Variants in NEK3 observed in about 807,000 individuals in gnomAD.
NEK3 encodes the protein NIMA related kinase 3, also known as serine/threonine-protein kinase Nek3.
Under a neutral mutation model 66.0 loss-of-function variants are expected in NEK3, and 54 were observed. The observed-to-expected ratio is 0.82, with a 90% CI of 0.66 to 1.03. The LOEUF (loss-of-function observed/expected upper bound fraction) is 1.03, where lower values mean the gene tolerates loss of function less well. Ranked by LOEUF, NEK3 falls within the 50% of genes least tolerant of loss-of-function variation. The probability of loss-of-function intolerance (pLI) is 0.00; values close to 1 mark genes in which losing one functional copy is unlikely to be tolerated. For synonymous variants in NEK3, 200 were observed against 206.2 expected, an observed-to-expected ratio of 0.97 and a Z score of 0.26; for missense variants, 593 against 603.0, an observed-to-expected ratio of 0.98 and a Z score of 0.17.
chr13:52,147,076 T>A (rs1956300864), intron 8 of NEK3, among the ~76,000 whole-genome samples: 8 of 152,244 alleles, frequency 5.3e-5, no homozygotes, highest in Admixed American at 4.6e-4. Flanking sequence ...TTCATATTTT[T>A]AAAAATATCT....
At chr13:52,142,576 G>A (rs1164212037) in intron 10 of NEK3, among the ~76,000 whole-genome samples, 3 of 152,230 alleles carry the variant, frequency 2.0e-5, no homozygotes, top group South Asian at 2.1e-4. Context: ...GCGCCCAGCC[G>A]CTATCTCTTA....
At chr13:52,152,977 T>A (rs1956360188) in intron 4 of NEK3, among the ~76,000 whole-genome samples, 1 of 152,186 alleles carries the variant, frequency 6.6e-6, no homozygotes, top group Admixed American at 6.5e-5. Context: ...ATAAAAGTAT[T>A]TCTTAAATGC....
chr13:52,145,018 G>C (rs890111960), intron 8 of NEK3, 127 bp from the exon 9 acceptor site: 1 of 659,658 alleles, frequency 1.5e-6, no homozygotes, highest in African/African-American at 1.8e-5. Context: ...CTTTCTAGAG[G>C]TGTCCTTAAG....
intron 8 of NEK3, among the ~76,000 whole-genome samples, chr13:52,147,843 A>C (rs903351354): frequency 6.6e-6 from 1 of 152,140 alleles, no homozygotes; most frequent in East Asian, 1.9e-4. Flanking sequence ...AATACAAAAA[A>C]AATTTAGCTG....
chr13:52,156,147 G>A lies in NEK3; in HGVS notation c.45C>T (p.Phe15=), dbSNP rs766319205. The change falls in exon 2 of 16, where the codon TTC becomes TTT. Residue 15 remains phenylalanine (F), a synonymous_variant. Coordinates refer to ENST00000610828, the MANE Select transcript of NEK3 (RefSeq NM_002498.3). The part of the protein sequence containing the change: ...MVLRMIGEGS[F]GRALLVQHES... ...CATGCTGAACCAAAAGAGCTCTGCC[G>A]AAGGAGCCCTCCCCAATCATTCTCA... 8.1e-6 allele frequency: 13 copies of A among 1,606,070 alleles called. No homozygotes were observed. The highest frequency in any genetic ancestry group is 5.3e-5 in the African/African-American group (4 of 74,790).
intron 11 of NEK3, among the ~76,000 whole-genome samples, chr13:52,138,863 T>G (rs577993473): frequency 6.6e-6 from 1 of 152,122 alleles, no homozygotes; most frequent in East Asian, 1.9e-4. Flanking sequence ...CCCAGGAGGT[T>G]GAGTCTGCAG....
intron 7 of NEK3, 65 bp from the exon 8 acceptor site, chr13:52,148,534 T>G: frequency 7.2e-7 from 1 of 1,397,692 alleles, no homozygotes; most frequent in Non-Finnish European, 1.0e-6. Context: ...AAAAAATAAT[T>G]TCTTACCTTT....
At chr13:52,142,901 G>A (rs1956263241) in intron 10 of NEK3, among the ~76,000 whole-genome samples, 1 of 152,190 alleles carries the variant, frequency 6.6e-6, no homozygotes, top group Non-Finnish European at 1.5e-5. Flanking sequence ...ATTCAGAGAT[G>A]ACAACTTCCA....
At chr13:52,159,633 G>C (rs940016053), upstream of NEK3, 1 of 152,430 alleles carries the variant, frequency 6.6e-6, no homozygotes, top group Non-Finnish European at 1.5e-5. Context: ...CGGGTTGCGG[G>C]TGAAGGAAGC....
chr13:52,154,365 G>C (rs769276736), intron 2 of NEK3, among the ~76,000 whole-genome samples, 192 bp from the exon 3 acceptor site: 15 of 152,072 alleles, frequency 9.9e-5, no homozygotes, highest in Non-Finnish European at 1.9e-4. Flanking sequence ...TTTCATGCTT[G>C]AGCTGACCCC....
intron 4 of NEK3, among the ~76,000 whole-genome samples, chr13:52,153,342 A>G (rs1229745994): frequency 6.6e-6 from 1 of 152,148 alleles, no homozygotes; most frequent in Non-Finnish European, 1.5e-5. Flanking sequence ...CTTTCATAAC[A>G]TGCTATAACC....
Position 52,143,997 on chromosome 13 carries a change from A to G in NEK3, c.805-10T>C, listed in dbSNP as rs1594025335. On this transcript the variant is annotated splice_polypyrimidine_tract_variant and intron_variant, in intron 9 of 15. Transcript: ENST00000610828. Reference sequence around the variant, plus strand: ...CATATTCCATGATGATCTGAAATTTAAAGTTGAGAATTTAGAGATGTGAAA... The same window carrying G: ...CATATTCCATGATGATCTGAAATTTGAAGTTGAGAATTTAGAGATGTGAAA... 1 of 1,439,284 alleles carries G rather than the reference A, an allele frequency of 6.9e-7. No individual in the cohort carries two copies. Among genetic ancestry groups the G allele is most frequent in the Non-Finnish European group, 9.5e-7 (1 of 1,057,272 alleles). 89.2% of individuals were successfully genotyped at this position (1,439,284 alleles called of 1,614,324 possible).
At position 52,144,700 on chromosome 13, in the gene NEK3, T is replaced by C. The variant is rs1401172057; in HGVS notation, c.795A>G (p.Leu265=). The C allele has an allele frequency of 6.2e-7, 1 of 1,613,620 alleles. No homozygotes were observed. The highest frequency in any genetic ancestry group is 8.5e-7 in the Non-Finnish European group (1 of 1,179,766). Residue 265 remains leucine (L), a synonymous_variant, in exon 9 of 16, where the codon TTA becomes TTG. Transcript: ENST00000610828. ...GIVARLVQKC[L]PPEIIMEYGE... ...CCAACACAGATCATACCTCGGGGGG[T>C]AAGCACTTCTGGACAAGCCGAGCTA... is the stretch of plus-strand genomic sequence containing the variant.
At position 52,133,795 on chromosome 13, in the gene NEK3, CT is replaced by C. The variant is rs1412315078; in HGVS notation, c.1329del (p.Gly444AlafsTer31). The C allele has an allele frequency of 4.4e-6, 7 of 1,599,266 alleles. No individual in the cohort carries two copies. The highest frequency in any genetic ancestry group is 6.0e-6 in the Non-Finnish European group (7 of 1,172,312). ...IYRPGSEGFL[K>X]GPLSEETEAS... ...GCTTCTGTTTCTTCAGACAGGGGGC[CT>C]TTCAAGAACCCTTCTGAACCTTCAG... On this transcript the variant is annotated frameshift_variant, in exon 15 of 16. Transcript: ENST00000610828. LOFTEE classifies it high-confidence loss of function.
At chr13:52,147,719 C>A (rs1471505875) in intron 8 of NEK3, among the ~76,000 whole-genome samples, 7 of 152,098 alleles carry the variant, frequency 4.6e-5, no homozygotes, top group African/African-American at 1.7e-4. Flanking sequence ...TGCCTGTAAT[C>A]CCAGCACTTT....
Position 52,133,062 on chromosome 13 carries a change from G to T in NEK3, c.*80C>A. On this transcript the variant is annotated 3_prime_UTR_variant, in exon 16 of 16. Transcript: ENST00000610828. Reference sequence around the variant, plus strand: ...CTGTTTCCAAAGGAAAATATACGTCGCATGAACTCATGATCATCTCAGCAT... The same window carrying T: ...CTGTTTCCAAAGGAAAATATACGTCTCATGAACTCATGATCATCTCAGCAT... 1 of 1,088,138 alleles carries T rather than the reference G, an allele frequency of 9.2e-7. No homozygotes were observed. Among genetic ancestry groups the T allele is most frequent in the Non-Finnish European group, 1.4e-6 (1 of 725,540 alleles). 67.4% of individuals were successfully genotyped at this position (1,088,138 alleles called of 1,614,324 possible). A position where few individuals can be genotyped will look rare whatever the true frequency, so the allele number is the denominator to read the frequency against.
At chr13:52,149,536 G>A (rs1157703945) in intron 7 of NEK3, among the ~76,000 whole-genome samples, 6 of 152,046 alleles carry the variant, frequency 3.9e-5, no homozygotes, top group Middle Eastern at 3.4e-3. Flanking sequence ...CCATGTTTGC[G>A]TGCTAATCTC....
intron 4 of NEK3, among the ~76,000 whole-genome samples, chr13:52,153,070 C>A (rs1956360678): frequency 6.6e-6 from 1 of 152,112 alleles, no homozygotes; most frequent in Admixed American, 6.5e-5. Context: ...TTTAATTCTG[C>A]AGAATATCCA....
Position 52,133,031 on chromosome 13 carries a change from T to G in NEK3, c.*111A>C. On this transcript the variant is annotated 3_prime_UTR_variant, in exon 16 of 16. Transcript: ENST00000610828. ...TTTAAGTATTAAGAGTTTCCTCTGC[T>G]TCATTCTGTTTCCAAAGGAAAATAT... The G allele has an allele frequency of 1.2e-6, 1 of 856,190 alleles. No individual in the cohort carries two copies. Among genetic ancestry groups the G allele is most frequent in the Non-Finnish European group, 1.9e-6 (1 of 530,426 alleles). 53.0% of individuals were successfully genotyped at this position (856,190 alleles called of 1,614,324 possible).
Sources: allele counts gnomAD v4.1 joint callset (sites outside exome capture counted in the v4.1 genomes callset), GRCh38; gene constraint gnomAD v4.1.1; transcripts MANE v1.5; gene names NCBI Gene and HGNC (gene_info 2026-07-23, HGNC 2026-07-21).